The following LPP variants were observed in gnomAD, a reference collection of about 807,000 sequenced individuals.
LPP encodes the protein LIM domain containing preferred translocation partner in lipoma.
In LPP, 38 loss-of-function variants were observed where a neutral mutation model predicts 60.4. The observed-to-expected ratio is 0.63, with a 90% CI of 0.49 to 0.83. The LOEUF is 0.83. Ranked by LOEUF, LPP falls within the 40% of genes least tolerant of loss-of-function variation. The probability of loss-of-function intolerance (pLI) is 0.00; values close to 1 mark genes in which losing one functional copy is unlikely to be tolerated. For missense variants in LPP, 902 were observed against 783.6 expected (o/e 1.15, Z -1.80); for synonymous variants, 328 against 290.8 (o/e 1.13, Z -1.30).
intron 6 of LPP, among the ~76,000 whole-genome samples, chr3:188,527,576 G>A (rs1820984220): frequency 6.6e-6 from 1 of 152,022 alleles, no homozygotes; most frequent in Non-Finnish European, 1.5e-5. Flanking sequence ...TCAGAAAAAT[G>A]TTCTCCAGCA....
intron 2 of LPP, among the ~76,000 whole-genome samples, chr3:188,327,399 A>G (rs373004640): frequency 5.3e-5 from 8 of 152,334 alleles, no homozygotes; most frequent in African/African-American, 1.7e-4. Flanking sequence ...TAGGCACTGT[A>G]TATAGTAAGC....
At chr3:188,828,647 T>G (rs1756320622) in intron 9 of LPP, among the ~76,000 whole-genome samples, 1 of 93,272 alleles carries the variant, frequency 1.1e-5, no homozygotes, top group African/African-American at 3.9e-5. Flanking sequence ...AAAACTCAGC[T>G]GCATCCTTCC....
At position 188,464,551 on chromosome 3, in the gene LPP, T is replaced by C. The variant is rs191945947; in HGVS notation, c.194-20041T>C. 1.6e-3 allele frequency among the ~76,000 whole-genome samples: 245 copies of C among 152,272 alleles called. 1 individual carries two copies. Among genetic ancestry groups the C allele is most frequent in the Middle Eastern group, 0.01 (3 of 294 alleles). On this transcript the variant is annotated intron_variant, in intron 4 of 11. Transcript: ENST00000617246. ...AAGTAAGTAGTGAGGTGTACCTAATTGCTTCTATAAGTTTTAGTACAAAGA... is the reference window on the plus strand; with the variant it reads ...AAGTAAGTAGTGAGGTGTACCTAATCGCTTCTATAAGTTTTAGTACAAAGA...
rs182655473 is a variant in LPP at position 188,399,375 on chromosome 3, C to A, written c.-9-6737C>A. Among the ~76,000 whole-genome samples, 645 of 147,910 alleles carry A rather than the reference C, an allele frequency of 4.4e-3. 4 individuals are homozygous for A. The highest frequency in any genetic ancestry group is 0.016 in the African/African-American group (600 of 38,600). ...AAAGAGAATGTTTAAAAAAAAAAAA[C>A]CTTCAAAGTTATAGGAGAGTGTTAT... On this transcript the variant is annotated intron_variant, in intron 3 of 11. Transcript: ENST00000617246.
intron 4 of LPP, among the ~76,000 whole-genome samples, chr3:188,465,468 A>G (rs1800151239): frequency 6.6e-6 from 1 of 152,184 alleles, no homozygotes; most frequent in South Asian, 2.1e-4. Context: ...GACTGCTTTC[A>G]CAGGTCTTTT....
intron 8 of LPP, chr3:188,758,718 G>C (rs1352204678): frequency 5.9e-5 from 9 of 152,138 alleles, no homozygotes; most frequent in African/African-American, 9.7e-5. Flanking sequence ...TCTCCATAAT[G>C]CTCCCTAACA....
chr3:188,156,856 C>G lies in LPP; in HGVS notation c.-190+2604C>G, dbSNP rs1005252944. ...CATTTCCTCTGCTGCGCCCCACCCC[C>G]CCAAGAAAAATAATATTATCAATTG... On this transcript the variant is annotated intron_variant, in intron 1 of 11. Coordinates refer to ENST00000617246, the MANE Select transcript of LPP (RefSeq NM_001375462.1). Among the ~76,000 whole-genome samples, 5 of 151,468 alleles carry G rather than the reference C, an allele frequency of 3.3e-5. 1 individual carries two copies. The highest frequency in any genetic ancestry group is 1.2e-4 in the African/African-American group (5 of 41,030).
At chr3:188,762,080 A>T (rs1337484356) in intron 9 of LPP, among the ~76,000 whole-genome samples, 1 of 152,072 alleles carries the variant, frequency 6.6e-6, no homozygotes, top group East Asian at 1.9e-4. Context: ...TACTTTAATG[A>T]TGCTACTGTG....
intron 5 of LPP, among the ~76,000 whole-genome samples, chr3:188,509,663 TTC>T (rs753329908): frequency 0.017 from 603 of 35,720 alleles, 19 homozygotes; most frequent in African/African-American, 0.021. Flanking sequence ...CCTTCCTTCC[TTC>T]CTTCCTTCCT....
intron 2 of LPP, among the ~76,000 whole-genome samples, chr3:188,324,032 A>ATTG (rs147496303): frequency 0.01 from 1,567 of 152,104 alleles, 20 homozygotes; most frequent in African/African-American, 0.034. Context: ...AATGATTGGT[A>ATTG]TTGTTGTTGT....
intron 8 of LPP, among the ~76,000 whole-genome samples, chr3:188,714,486 A>G (rs1367690163): frequency 6.6e-6 from 1 of 152,072 alleles, no homozygotes; most frequent in African/African-American, 2.4e-5. Flanking sequence ...TCTCTTGACC[A>G]TGGGAGAAGG....
intron 7 of LPP, among the ~76,000 whole-genome samples, chr3:188,659,153 G>T (rs3856917): frequency 0.98 from 149,877 of 152,306 alleles, 73,784 homozygotes; most frequent in East Asian, 1. Flanking sequence ...CTGTTAGGTA[G>T]CAGGGATAAT....
At chr3:188,847,941 A>G (rs1248043171) in intron 9 of LPP, among the ~76,000 whole-genome samples, 1 of 152,230 alleles carries the variant, frequency 6.6e-6, no homozygotes. Context: ...TGGAACTAGG[A>G]AGAAGGAAGT....
chr3:188,467,597 C>G (rs1224924753), intron 4 of LPP, among the ~76,000 whole-genome samples: 2 of 152,084 alleles, frequency 1.3e-5, no homozygotes, highest in African/African-American at 4.8e-5. Context: ...ATCAGCTAAC[C>G]TAAGATAATG....
chr3:188,310,805 G>C (rs573627225), intron 2 of LPP, among the ~76,000 whole-genome samples: 1 of 152,224 alleles, frequency 6.6e-6, no homozygotes, highest in South Asian at 2.1e-4. Flanking sequence ...AATGTGTGTG[G>C]TTGAGCAGAG....
intron 9 of LPP, among the ~76,000 whole-genome samples, chr3:188,823,871 A>G (rs1754666665): frequency 6.6e-6 from 1 of 152,192 alleles, no homozygotes; most frequent in Non-Finnish European, 1.5e-5. Flanking sequence ...ATTCCTCCCT[A>G]TGTTTATCTT....
intron 6 of LPP, among the ~76,000 whole-genome samples, chr3:188,576,896 C>T (rs7641158): frequency 0.01 from 1,588 of 152,304 alleles, 19 homozygotes; most frequent in African/African-American, 0.036. Context: ...AACTTTTCCA[C>T]TTGTAAAATA....
intron 6 of LPP, among the ~76,000 whole-genome samples, chr3:188,559,993 G>C (rs1455556350): frequency 2.6e-5 from 4 of 152,098 alleles, no homozygotes; most frequent in South Asian, 2.1e-4. Context: ...AAGAGCTTCT[G>C]TTCTCACTGT....
chr3:188,226,951 A>T (rs2047125930), intron 2 of LPP, among the ~76,000 whole-genome samples: 1 of 152,158 alleles, frequency 6.6e-6, no homozygotes. Flanking sequence ...TTAAAATTTC[A>T]AACATGATCT....
Sources: allele counts gnomAD v4.1 joint callset (sites outside exome capture counted in the v4.1 genomes callset), GRCh38; gene constraint gnomAD v4.1.1; transcripts MANE v1.5; gene names NCBI Gene and HGNC (gene_info 2026-07-23, HGNC 2026-07-21).